The following CEP112 variants were observed in gnomAD, a reference collection of about 807,000 sequenced individuals.
CEP112 encodes the protein centrosomal protein of 112 kDa.
A neutral mutation model predicts 153.0 loss-of-function variants in CEP112; 127 were observed. That is an observed-to-expected ratio of 0.83 (90% CI 0.72 to 0.96). CEP112 has a LOEUF of 0.96. Ranked by LOEUF, CEP112 falls within the 40% of genes least tolerant of loss-of-function variation. The pLI, the probability that CEP112 is intolerant of heterozygous loss-of-function variation, is 0.00. For missense variants in CEP112, 1,089 were observed against 1,101.2 expected, an observed-to-expected ratio of 0.99 and a Z score of 0.16; for synonymous variants, 358 against 374.4, an observed-to-expected ratio of 0.96 and a Z score of 0.51.
chr17:65,941,596 T>A (rs2061506334), intron 18 of CEP112: 1 of 152,182 alleles, frequency 6.6e-6, no homozygotes, highest in South Asian at 2.1e-4. Context: ...CAATATTCTG[T>A]ATTCCATTCA....
chr17:66,095,269 AT>A (rs1387437885), intron 8 of CEP112, among the ~76,000 whole-genome samples: 4 of 152,226 alleles, frequency 2.6e-5, no homozygotes, highest in South Asian at 2.1e-4. Flanking sequence ...AATGAAAAAA[AT>A]GTGATATATA....
chr17:65,738,620 CTG>C (rs2050939653), intron 23 of CEP112, among the ~76,000 whole-genome samples: 1 of 152,076 alleles, frequency 6.6e-6, no homozygotes, highest in African/African-American at 2.4e-5. Context: ...ACTTTAAAAA[CTG>C]TTACAGTTTT....
chr17:66,115,003 G>C (rs1343864968), intron 6 of CEP112, among the ~76,000 whole-genome samples: 1 of 152,040 alleles, frequency 6.6e-6, no homozygotes, highest in African/African-American at 2.4e-5. Context: ...TCAGGAGTTT[G>C]AGACCAGCCT....
At chr17:65,813,504 A>T (rs1343791590) in intron 21 of CEP112, among the ~76,000 whole-genome samples, 4 of 151,758 alleles carry the variant, frequency 2.6e-5, no homozygotes, top group African/African-American at 4.8e-5. Flanking sequence ...AGATGGTTGG[A>T]TTTGCTTGGA....
At chr17:65,734,810 T>A (rs940600824) in intron 23 of CEP112, among the ~76,000 whole-genome samples, 1 of 152,224 alleles carries the variant, frequency 6.6e-6, no homozygotes, top group African/African-American at 2.4e-5. Flanking sequence ...TTTGTTAATA[T>A]GCCAAAACTT....
At chr17:65,864,210 G>C (rs1193037713) in intron 20 of CEP112, among the ~76,000 whole-genome samples, 1 of 151,112 alleles carries the variant, frequency 6.6e-6, no homozygotes, top group Non-Finnish European at 1.5e-5. Flanking sequence ...TCAGATTTTT[G>C]ATCCTCGGGC....
intron 18 of CEP112, among the ~76,000 whole-genome samples, chr17:65,947,240 T>A (rs11079605): frequency 0.48 from 72,706 of 151,874 alleles, 18,399 homozygotes; most frequent in East Asian, 0.89. Context: ...TAGTTACACC[T>A]TCTATTATAA....
chr17:65,953,380 G>A (rs1331396771), intron 18 of CEP112, among the ~76,000 whole-genome samples: 4 of 152,176 alleles, frequency 2.6e-5, no homozygotes, highest in Admixed American at 2.6e-4. Flanking sequence ...AGAAGTGTAT[G>A]GAGACTCACA....
intron 21 of CEP112, among the ~76,000 whole-genome samples, chr17:65,777,982 C>T (rs7222147): frequency 0.53 from 80,332 of 151,864 alleles, 23,123 homozygotes; most frequent in Non-Finnish European, 0.66. Context: ...CTCAGTCTCA[C>T]GTTGACAGTA....
chr17:66,075,324 T>C (rs1568462571), intron 8 of CEP112, among the ~76,000 whole-genome samples: 2 of 152,056 alleles, frequency 1.3e-5, no homozygotes, highest in Non-Finnish European at 2.9e-5. Flanking sequence ...AATTAGAAAA[T>C]GGGAAAAGTC....
chr17:65,752,617 G>A (rs1362177398), intron 21 of CEP112, among the ~76,000 whole-genome samples: 1 of 152,184 alleles, frequency 6.6e-6, no homozygotes, highest in Non-Finnish European at 1.5e-5. Context: ...TGGGCCATCT[G>A]TCCCAAATGC....
At chr17:66,151,292 G>A (rs1224220557) in intron 4 of CEP112, among the ~76,000 whole-genome samples, 1 of 152,010 alleles carries the variant, frequency 6.6e-6, no homozygotes, top group East Asian at 1.9e-4. Flanking sequence ...TATGTTCACT[G>A]AATATTTTAT....
At chr17:65,644,276 GT>G (rs2045311236) in intron 24 of CEP112, 2 of 581,714 alleles carry the variant, frequency 3.4e-6, no homozygotes, top group African/African-American at 1.9e-5. Flanking sequence ...ATGTCTATCT[GT>G]TTTCCTAAGC....
chr17:66,066,652 T>C (rs1598279821), intron 10 of CEP112, 126 bp downstream of exon 10: 1 of 585,714 alleles, frequency 1.7e-6, no homozygotes, highest in East Asian at 3.5e-5. Flanking sequence ...ATATATCCAC[T>C]GATGAAACCC....
At chr17:65,679,874 G>A (rs1598293821) in intron 24 of CEP112, among the ~76,000 whole-genome samples, 1 of 152,200 alleles carries the variant, frequency 6.6e-6, no homozygotes, top group East Asian at 1.9e-4. Context: ...AGTTGTAACG[G>A]TATAACAGGC....
At chr17:65,943,031 A>G (rs1024462350) in intron 18 of CEP112, among the ~76,000 whole-genome samples, 2 of 152,252 alleles carry the variant, frequency 1.3e-5, no homozygotes, top group African/African-American at 2.4e-5. Flanking sequence ...ATACATAGAT[A>G]TGAATAGATA....
In CEP112 at chr17:66,045,111, C is replaced by A. The variant is rs541089437; in HGVS notation, c.1218+8625G>T. 2.6e-4 allele frequency among the ~76,000 whole-genome samples: 39 copies of A among 152,100 alleles called. 1 individual carries two copies. The highest frequency in any genetic ancestry group is 2.2e-3 in the Admixed American group (34 of 15,274). ...TTTGAAACAGGGTCACACTCTGTCACCCAGGCTGGAGTGCAGTGGTGTGAT... is the reference window on the plus strand; with the variant it reads ...TTTGAAACAGGGTCACACTCTGTCAACCAGGCTGGAGTGCAGTGGTGTGAT... On this transcript the variant is annotated intron_variant, in intron 12 of 26. Coordinates refer to ENST00000535342, the MANE Select transcript of CEP112 (RefSeq NM_001199165.4).
intron 20 of CEP112, chr17:65,873,214 G>A (rs1436310089): frequency 2.0e-5 from 3 of 152,162 alleles, no homozygotes; most frequent in Non-Finnish European, 4.4e-5. Flanking sequence ...GGTCCCATCG[G>A]GCTCACCTGC....
At chr17:66,175,320 A>G (rs2072426336) in intron 3 of CEP112, 104 bp from the exon 4 acceptor site, 3 of 712,766 alleles carry the variant, frequency 4.2e-6, no homozygotes, top group Non-Finnish European at 6.5e-6. Context: ...TCAAATACTC[A>G]AATTCAATTA....
Sources: gnomAD v4.1 joint callset for allele counts (sites outside exome capture counted in the v4.1 genomes callset) on GRCh38, gnomAD v4.1.1 for gene constraint, MANE v1.5 for transcripts, NCBI Gene and HGNC (gene_info 2026-07-23, HGNC 2026-07-21) for gene names.